AAR2: variants seen among roughly 807,000 people sequenced by gnomAD.
AAR2 encodes protein AAR2 homolog.
In AAR2, 31 loss-of-function variants were observed where a neutral mutation model predicts 26.9. The ratio of observed to expected loss-of-function variants is 1.15; its 90% CI spans 0.86 to 1.55. The LOEUF (loss-of-function observed/expected upper bound fraction) is 1.55. AAR2 is among the 40% of genes most tolerant of loss of function. The pLI, the probability that AAR2 is intolerant of heterozygous loss-of-function variation, is 0.00. For synonymous variants in AAR2, 188 were observed against 196.1 expected (o/e 0.96, Z 0.34); for missense variants, 430 against 491.3 (o/e 0.88, Z 1.18).
At chr20:36,239,287 C>T (rs1398261479) in intron 1 of AAR2, among the ~76,000 whole-genome samples, 1 of 152,226 alleles carries the variant, frequency 6.6e-6, no homozygotes, top group East Asian at 1.9e-4. Flanking sequence ...TGAGCCTCCA[C>T]TTGCTACCGT....
intron 3 of AAR2, among the ~76,000 whole-genome samples, chr20:36,250,617 G>T (rs2064772617): frequency 6.6e-6 from 1 of 152,166 alleles, no homozygotes; most frequent in Non-Finnish European, 1.5e-5. Context: ...AAATGCCAGG[G>T]GGTAGGGGTG....
intron 2 of AAR2, among the ~76,000 whole-genome samples, 189 bp from the exon 3 acceptor site, chr20:36,244,508 C>T (rs2064713966): frequency 6.6e-6 from 1 of 152,164 alleles, no homozygotes; most frequent in African/African-American, 2.4e-5. Flanking sequence ...GAATTCATAG[C>T]GGTTCAGCAG....
chr20:36,242,933 C>G (rs1415449542), intron 2 of AAR2, among the ~76,000 whole-genome samples: 2 of 148,060 alleles, frequency 1.4e-5, no homozygotes, highest in Non-Finnish European at 1.5e-5. Flanking sequence ...TCACAACTCA[C>G]TGCAGCCTCA....
chr20:36,244,739 T>C lies in AAR2; in HGVS notation c.800T>C (p.Val267Ala), dbSNP rs750451424. The C allele has an allele frequency of 2.5e-6, 4 of 1,614,184 alleles. No homozygotes were observed. The highest frequency in any genetic ancestry group is 2.2e-5 in the South Asian group (2 of 91,074). ...TTTGTGTGCTTCCTGCTGGGGAATG[T>C]GTACGAGGCATTTGAGCATTGGAAG... ...FAFVCFLLGN[V>A]YEAFEHWKRL... Residue 267 changes from valine to alanine, a missense_variant, in exon 3 of 4, where the codon GTG becomes GCG. By Grantham distance (64) the Val-to-Ala change is moderately conservative (BLOSUM62 0). Transcript: ENST00000320849.
chr20:36,245,709 C>T (rs2064727924), intron 3 of AAR2, among the ~76,000 whole-genome samples: 1 of 152,196 alleles, frequency 6.6e-6, no homozygotes, highest in South Asian at 2.1e-4. Flanking sequence ...CTCGGGGTAA[C>T]AGAAGGGACG....
intron 3 of AAR2, among the ~76,000 whole-genome samples, chr20:36,248,880 A>G (rs1372055440): frequency 6.6e-6 from 1 of 151,676 alleles, no homozygotes; most frequent in African/African-American, 2.4e-5. Flanking sequence ...GATATTGTAA[A>G]ACTTTTTTTT....
In AAR2 at chr20:36,250,846, G is replaced by A. The variant is rs145502468; in HGVS notation, c.988-4732G>A. Among the ~76,000 whole-genome samples the A allele has an allele frequency of 1.4e-4, 22 of 152,124 alleles. No homozygotes were observed. In the East Asian group the frequency reaches 3.7e-3, roughly 25 times the overall value. Reference sequence around the variant, plus strand: ...CCAGATTAACTAAGCATTTAAAATTGATGAATTTACTAATCTGGGCAACAT... The same window carrying A: ...CCAGATTAACTAAGCATTTAAAATTAATGAATTTACTAATCTGGGCAACAT... On this transcript the variant is annotated intron_variant, in intron 3 of 3. Transcript: ENST00000320849.
intron 1 of AAR2, chr20:36,236,806 G>A (rs1360700933): frequency 1.3e-5 from 2 of 152,258 alleles, no homozygotes; most frequent in African/African-American, 4.8e-5. Context: ...CCGAACTGAG[G>A]CTTTGTTTCT....
intron 2 of AAR2, among the ~76,000 whole-genome samples, chr20:36,242,365 T>C (rs999269004): frequency 2.1e-5 from 1 of 48,362 alleles, no homozygotes; most frequent in Non-Finnish European, 3.4e-5. Context: ...GGTACATCTT[T>C]TGTTGTTGTT....
intron 3 of AAR2, among the ~76,000 whole-genome samples, chr20:36,254,203 AC>A (rs1256731301): frequency 2.6e-5 from 4 of 152,258 alleles, no homozygotes; most frequent in African/African-American, 9.6e-5. Flanking sequence ...ATAGGCATTG[AC>A]AGATGACTAG....
chr20:36,238,828 G>T lies in AAR2; in HGVS notation c.-48-993G>T, dbSNP rs191348774. On this transcript the variant is annotated intron_variant, in intron 1 of 3. Coordinates refer to ENST00000320849, the MANE Select transcript of AAR2 (RefSeq NM_001271874.2). ...TCTGTGTGTGAAATTTTGACGTCTTGGCTAGATTGGAATTGCCTAGAGGGC... is the reference window on the plus strand; with the variant it reads ...TCTGTGTGTGAAATTTTGACGTCTTTGCTAGATTGGAATTGCCTAGAGGGC... 7.6e-4 allele frequency among the ~76,000 whole-genome samples: 116 copies of T among 151,934 alleles called. 1 individual carries two copies. The highest frequency in any genetic ancestry group is 2.8e-3 in the African/African-American group (114 of 41,440).
intron 3 of AAR2, among the ~76,000 whole-genome samples, chr20:36,253,463 A>T (rs1439489090): frequency 6.6e-6 from 1 of 152,150 alleles, no homozygotes; most frequent in African/African-American, 2.4e-5. Flanking sequence ...ATTTCCTTAA[A>T]ATAGGCATTC....
At chr20:36,241,785 A>G (rs2064682679) in intron 2 of AAR2, among the ~76,000 whole-genome samples, 1 of 152,120 alleles carries the variant, frequency 6.6e-6, no homozygotes, top group Non-Finnish European at 1.5e-5. Flanking sequence ...TCAAAAATAT[A>G]TATACATATA....
In AAR2 at chr20:36,240,254, C is replaced by A; in HGVS notation, c.386C>A (p.Thr129Asn). The change falls in exon 2 of 4, where the codon ACC becomes AAC. Residue 129 changes from threonine to asparagine, a missense_variant. Transcript: ENST00000320849. The part of the protein sequence containing the change: ...DQFLGPYPYA[T>N]LKKWISLTNF... ...TTCCTGGGGCCTTACCCATATGCCA[C>A]CCTGAAGAAGTGGATCTCACTCACC... is the stretch of plus-strand genomic sequence containing the variant. The A allele has an allele frequency of 6.2e-7, 1 of 1,614,218 alleles. No individual in the cohort carries two copies. Among genetic ancestry groups the A allele is most frequent in the Non-Finnish European group, 8.5e-7 (1 of 1,180,040 alleles).
chr20:36,241,365 A>T (rs2064678936), intron 2 of AAR2, among the ~76,000 whole-genome samples: 1 of 152,182 alleles, frequency 6.6e-6, no homozygotes. Flanking sequence ...ATTACTTTGT[A>T]ATCTGCCTTA....
At chr20:36,237,117 AT>A (rs1374952579) in intron 1 of AAR2, among the ~76,000 whole-genome samples, 1 of 152,200 alleles carries the variant, frequency 6.6e-6, no homozygotes, top group African/African-American at 2.4e-5. Context: ...ACAGCCTCCA[AT>A]TTCAGGTTCT....
At chr20:36,244,535 T>C (rs2064714387) in intron 2 of AAR2, among the ~76,000 whole-genome samples, 162 bp from the exon 3 acceptor site, 1 of 152,182 alleles carries the variant, frequency 6.6e-6, no homozygotes, top group Non-Finnish European at 1.5e-5. Context: ...ATTGAGTACC[T>C]GTTAGGTGCA....
chr20:36,237,726 G>C (rs1357736706), intron 1 of AAR2, among the ~76,000 whole-genome samples: 1 of 149,398 alleles, frequency 6.7e-6, no homozygotes, highest in Non-Finnish European at 1.5e-5. Context: ...TCTGAATTCA[G>C]GATTACAAAT....
At chr20:36,250,321 C>T (rs1200612862) in intron 3 of AAR2, among the ~76,000 whole-genome samples, 11 of 152,152 alleles carry the variant, frequency 7.2e-5, no homozygotes. Flanking sequence ...AAAATATTAT[C>T]CTATTTCAAA....
Sources: allele counts gnomAD v4.1 joint callset (sites outside exome capture counted in the v4.1 genomes callset), GRCh38; gene constraint gnomAD v4.1.1; transcripts MANE v1.5; gene names NCBI Gene and HGNC (gene_info 2026-07-23, HGNC 2026-07-21).